Variants in PAPPA2 observed in about 807,000 individuals in gnomAD.
The protein encoded by PAPPA2 is pappalysin 2.
A neutral mutation model predicts 176.4 loss-of-function variants in PAPPA2; 86 were observed. That is an observed-to-expected ratio of 0.49 (90% CI 0.41 to 0.58). The LOEUF (loss-of-function observed/expected upper bound fraction) is 0.58, where lower values mean the gene tolerates loss of function less well. Ranked by LOEUF, PAPPA2 falls within the 20% of genes least tolerant of loss-of-function variation. The pLI, the probability that PAPPA2 is intolerant of heterozygous loss-of-function variation, is 0.00. For missense variants in PAPPA2, 2,073 were observed against 2,256.9 expected (o/e 0.92, Z 1.65); for synonymous variants, 809 against 852.2 (o/e 0.95, Z 0.88).
chr1:176,693,801 C>T (rs1660231969), intron 6 of PAPPA2, among the ~76,000 whole-genome samples: 1 of 152,168 alleles, frequency 6.6e-6, no homozygotes, highest in Non-Finnish European at 1.5e-5. Flanking sequence ...GAATCATCTT[C>T]CTGCAAGTGT....
At chr1:176,662,610 C>T (rs994588746) in intron 3 of PAPPA2, among the ~76,000 whole-genome samples, 7 of 151,860 alleles carry the variant, frequency 4.6e-5, no homozygotes, top group African/African-American at 1.7e-4. Context: ...TGCTATTCCT[C>T]CTTCTAAAAT....
intron 1 of PAPPA2, among the ~76,000 whole-genome samples, chr1:176,527,092 A>G (rs937870658): frequency 1.3e-5 from 2 of 152,194 alleles, no homozygotes; most frequent in African/African-American, 4.8e-5. Context: ...GATTACAGGC[A>G]TGAGCCACTA....
chr1:176,516,762 C>T (rs77247554), intron 1 of PAPPA2, among the ~76,000 whole-genome samples: 12,056 of 152,186 alleles, frequency 0.079, 593 homozygotes, highest in South Asian at 0.15. Context: ...CTGTTGTTTT[C>T]AAATTATCCA....
intron 6 of PAPPA2, among the ~76,000 whole-genome samples, chr1:176,694,852 C>T (rs1473485124): frequency 3.3e-5 from 5 of 152,286 alleles, no homozygotes; most frequent in Non-Finnish European, 7.3e-5. Flanking sequence ...GACTGGCTCA[C>T]AGGCAAAAGA....
chr1:176,694,928 G>T lies in PAPPA2; in HGVS notation c.2625-810G>T, dbSNP rs1458720856. ...AGAGCCCTAAGAGAGGATCCAGCAG[G>T]TGCAGTGGGTGCACAGAGAAGGGAG... On this transcript the variant is annotated intron_variant, in intron 6 of 22. Transcript: ENST00000367662. 2.0e-5 allele frequency among the ~76,000 whole-genome samples: 3 copies of T among 152,324 alleles called. No individual in the cohort carries two copies. The East Asian group carries it at 5.8e-4, about 29-fold the overall frequency.
At position 176,544,503 on chromosome 1, in the gene PAPPA2, G is replaced by C. The variant is rs546262848; in HGVS notation, c.-916-10904G>C. On this transcript the variant is annotated intron_variant, in intron 1 of 22. Coordinates refer to ENST00000367662, the MANE Select transcript of PAPPA2 (RefSeq NM_020318.3). ...TCTGTGTCATTCCTCAAATACTTTC[G>C]AGTAGGAAATCCCGACTGTTTTTCT... 3.9e-5 allele frequency among the ~76,000 whole-genome samples: 6 copies of C among 152,090 alleles called. 1 individual carries two copies. In the South Asian group the frequency reaches 1.2e-3, roughly 32 times the overall value.
intron 15 of PAPPA2, 33 bp downstream of exon 15, chr1:176,765,870 G>A (rs760500449): frequency 2.8e-5 from 45 of 1,606,086 alleles, no homozygotes; most frequent in Non-Finnish European, 3.7e-5. Flanking sequence ...CCAGGACCAA[G>A]TTCCTGGGAA....
At chr1:176,487,361 C>T (rs751074124) in intron 1 of PAPPA2, among the ~76,000 whole-genome samples, 1 of 152,160 alleles carries the variant, frequency 6.6e-6, no homozygotes, top group African/African-American at 2.4e-5. Flanking sequence ...CCTACCTTCT[C>T]ACTGTGGAAA....
At chr1:176,623,796 T>TTTCTTTCTTTCTTTCTTTC (rs1655839074) in intron 3 of PAPPA2, among the ~76,000 whole-genome samples, 1 of 121,006 alleles carries the variant, frequency 8.3e-6, no homozygotes, top group East Asian at 2.2e-4. Context: ...TCTTTCTTTC[T>TTTCTTTCTTTCTTTCTTTC]TTCTTTCTTT....
At position 176,690,245 on chromosome 1, in the gene PAPPA2, G is replaced by C. The variant is rs1178679114; in HGVS notation, c.2246G>C (p.Ser749Thr). Reference sequence around the variant, plus strand: ...CTCTACCATGTCTTTAAAGGAGTCAGTGAAAGAGAATCCTGCAATGACCCC... The same window carrying C: ...CTCTACCATGTCTTTAAAGGAGTCACTGAAAGAGAATCCTGCAATGACCCC... ...LGLYHVFKGV[S>T]ERESCNDPCK... is the part of the protein sequence containing the mutation. The change falls in exon 5 of 23, where the codon AGT becomes ACT. Residue 749 changes from serine (S) to threonine (T), a missense_variant. Around this residue, in one of 4 missense-constraint regions of PAPPA2, gnomAD observed 1,196 missense variants for 1,330.4 expected, o/e 0.90. Transcript: ENST00000367662. 2 of 1,614,096 alleles carry C rather than the reference G, an allele frequency of 1.2e-6. No homozygotes were observed. Among genetic ancestry groups the C allele is most frequent in the East Asian group, 4.5e-5 (2 of 44,858 alleles).
intron 21 of PAPPA2, among the ~76,000 whole-genome samples, chr1:176,812,157 T>C (rs1666176483): frequency 6.6e-6 from 1 of 152,052 alleles, no homozygotes; most frequent in Non-Finnish European, 1.5e-5. Flanking sequence ...ACATCTGTTA[T>C]CCCTTTTTCC....
At chr1:176,626,883 T>C (rs868715973) in intron 3 of PAPPA2, among the ~76,000 whole-genome samples, 8 of 149,932 alleles carry the variant, frequency 5.3e-5, no homozygotes, top group African/African-American at 2.0e-4. Flanking sequence ...GATATACCTG[T>C]TTTTCCTTTT....
chr1:176,688,867 C>CT (rs1379558202), intron 4 of PAPPA2, among the ~76,000 whole-genome samples: 1 of 152,126 alleles, frequency 6.6e-6, no homozygotes, highest in East Asian at 1.9e-4. Context: ...ATGTGGTTGT[C>CT]TAAGGGATGT....
intron 3 of PAPPA2, among the ~76,000 whole-genome samples, chr1:176,617,560 C>T (rs1045025027): frequency 2.0e-5 from 3 of 152,144 alleles, no homozygotes. Context: ...AGTTACTTCA[C>T]TTAGAATAAT....
At chr1:176,786,764 A>G (rs756640357) in intron 17 of PAPPA2, among the ~76,000 whole-genome samples, 1 of 152,148 alleles carries the variant, frequency 6.6e-6, no homozygotes, top group East Asian at 1.9e-4. Flanking sequence ...ATAAGCTTTA[A>G]TTTTCTCTCA....
At chr1:176,743,171 T>G (rs1357175041) in intron 14 of PAPPA2, among the ~76,000 whole-genome samples, 2 of 152,144 alleles carry the variant, frequency 1.3e-5, no homozygotes, top group African/African-American at 4.8e-5. Context: ...TGATTACAAA[T>G]GTACTGGGGT....
chr1:176,735,974 G>A (rs1018889182), intron 12 of PAPPA2, among the ~76,000 whole-genome samples: 7 of 152,106 alleles, frequency 4.6e-5, no homozygotes, highest in South Asian at 4.1e-4. Context: ...ATTTTACATT[G>A]TGCATGTAAT....
chr1:176,829,757 G>A lies in PAPPA2; in HGVS notation c.5203-10416G>A, dbSNP rs73050120. On this transcript the variant is annotated intron_variant, in intron 21 of 22. Transcript: ENST00000367662. ...GCTCCATCCAGACAGAGCATGTACC[G>A]CCTCATGTTTCAATTATGTGGGATG... Among the ~76,000 whole-genome samples, 1,271 of 152,224 alleles carry A rather than the reference G, an allele frequency of 8.3e-3. 10 individuals are homozygous for A. The highest frequency in any genetic ancestry group is 0.029 in the African/African-American group (1,191 of 41,530).
intron 21 of PAPPA2, among the ~76,000 whole-genome samples, chr1:176,835,673 C>T (rs1412634341): frequency 1.3e-5 from 2 of 152,198 alleles, no homozygotes; most frequent in African/African-American, 2.4e-5. Flanking sequence ...GCAGGCACCA[C>T]CACGCCCGGC....
Sources: allele counts gnomAD v4.1 joint callset (sites outside exome capture counted in the v4.1 genomes callset), GRCh38; gene constraint gnomAD v4.1.1; regional missense constraint gnomAD v4.1.1; transcripts MANE v1.5; gene names NCBI Gene and HGNC (gene_info 2026-07-23, HGNC 2026-07-21).